Variants in SCHIP1 observed in about 807,000 individuals in gnomAD.
SCHIP1 encodes schwannomin interacting protein 1.
SCHIP1 carries 8 observed loss-of-function variants against 29.7 expected under a neutral mutation model. The observed-to-expected ratio is 0.27, with a 90% CI of 0.16 to 0.49. SCHIP1 has a LOEUF of 0.49. Among genes scored for constraint, SCHIP1 ranks in the 20% least tolerant of loss-of-function variants. The pLI, the probability that SCHIP1 is intolerant of heterozygous loss-of-function variation, is 0.99. For missense variants in SCHIP1, 193 were observed against 294.6 expected, an observed-to-expected ratio of 0.66 and a Z score of 2.52; for synonymous variants, 76 against 94.9, an observed-to-expected ratio of 0.80 and a Z score of 1.16.
At chr3:159,582,722 G>A in the SCHIP1 span, among the ~76,000 whole-genome samples, 5 of 150,590 alleles carry the variant, frequency 3.3e-5, no homozygotes, top group Admixed American at 3.3e-4. Flanking sequence ...GCAGTGGTCT[G>A]GAACCAAACT....
chr3:159,736,049 A>C, the SCHIP1 span, among the ~76,000 whole-genome samples: 2 of 151,978 alleles, frequency 1.3e-5, no homozygotes, highest in African/African-American at 2.4e-5. Flanking sequence ...CTGAATGCCC[A>C]ATAGTCTAAC....
chr3:159,675,471 C>A, the SCHIP1 span, among the ~76,000 whole-genome samples: 2,947 of 152,308 alleles, frequency 0.019, 110 homozygotes, highest in African/African-American at 0.068. Flanking sequence ...GTTTTTCACA[C>A]TCTAAAAATA....
At chr3:159,830,966 G>A in the SCHIP1 span, among the ~76,000 whole-genome samples, 56 of 152,196 alleles carry the variant, frequency 3.7e-4, no homozygotes, top group African/African-American at 1.3e-3. Context: ...TTCCTGTTGA[G>A]GATATGGTTA....
chr3:159,764,711 G>T, the SCHIP1 span: 19 of 1,575,286 alleles, frequency 1.2e-5, no homozygotes, highest in Non-Finnish European at 1.6e-5. This position sits in a 1 kb window ranked among gnomAD's most constrained non-coding sequence, Gnocchi z 6.1. Context: ...GACCAGCGAG[G>T]GTACCGGGAT....
At chr3:159,328,576 T>C in the SCHIP1 span, among the ~76,000 whole-genome samples, 1 of 152,120 alleles carries the variant, frequency 6.6e-6, no homozygotes, top group African/African-American at 2.4e-5. Flanking sequence ...GAAAAAGGCA[T>C]TATAAGCAAA....
At chr3:159,805,318 T>C in the SCHIP1 span, among the ~76,000 whole-genome samples, 17 of 152,284 alleles carry the variant, frequency 1.1e-4, no homozygotes, top group East Asian at 3.3e-3. Flanking sequence ...CTCACAACTC[T>C]TGGAAGCTGC....
At chr3:159,541,654 T>G in the SCHIP1 span, among the ~76,000 whole-genome samples, 4 of 152,060 alleles carry the variant, frequency 2.6e-5, no homozygotes, top group African/African-American at 9.7e-5. Flanking sequence ...TGTAAAATTT[T>G]TGTTGTTCCT....
the SCHIP1 span, among the ~76,000 whole-genome samples, chr3:159,372,917 G>T: frequency 6.6e-6 from 1 of 151,968 alleles, no homozygotes; most frequent in African/African-American, 2.4e-5. Flanking sequence ...CCAAAATGCT[G>T]AGAATATTTA....
chr3:159,745,361 A>G, the SCHIP1 span, among the ~76,000 whole-genome samples: 3 of 152,190 alleles, frequency 2.0e-5, no homozygotes, highest in East Asian at 3.8e-4. Flanking sequence ...GAGTCAGGTA[A>G]ATGCCCCTGC....
At chr3:159,775,807 A>C in the SCHIP1 span, among the ~76,000 whole-genome samples, 1 of 152,226 alleles carries the variant, frequency 6.6e-6, no homozygotes, top group Admixed American at 6.5e-5. Context: ...TTGGTTTGCC[A>C]TATATGGAGA....
At chr3:159,696,445 T>C in the SCHIP1 span, among the ~76,000 whole-genome samples, 1 of 152,246 alleles carries the variant, frequency 6.6e-6, no homozygotes, top group East Asian at 1.9e-4. Flanking sequence ...GAGCAGTACA[T>C]GTATTCCTTG....
chr3:159,542,266 A>G, the SCHIP1 span, among the ~76,000 whole-genome samples: 1 of 152,196 alleles, frequency 6.6e-6, no homozygotes, highest in East Asian at 1.9e-4. Context: ...TATAAGATGT[A>G]CAATTGGATA....
chr3:159,839,980 C>G (rs1744063960), exon 1 of SCHIP1: 2 of 1,430,496 alleles, frequency 1.4e-6, no homozygotes, highest in Admixed American at 2.9e-5. Flanking sequence ...GGCTGGAGAG[C>G]AGCTCAGCTC....
chr3:159,297,126 TTGTGTGTGTGTGTG>T, the SCHIP1 span, among the ~76,000 whole-genome samples: 1,539 of 143,372 alleles, frequency 0.011, 15 homozygotes, highest in African/African-American at 0.017. Context: ...TAATATTCCA[TTGTGTGTGTGTGTG>T]TGTGTGTGTG....
the SCHIP1 span, among the ~76,000 whole-genome samples, chr3:159,593,475 T>C: frequency 6.6e-6 from 1 of 152,072 alleles, no homozygotes; most frequent in African/African-American, 2.4e-5. Context: ...AGAAGCTGCC[T>C]CCATCATCAA....
At chr3:159,804,043 A>G in the SCHIP1 span, among the ~76,000 whole-genome samples, 2 of 151,994 alleles carry the variant, frequency 1.3e-5, no homozygotes, top group African/African-American at 4.8e-5. Context: ...TAGTACAATG[A>G]CCCTTTTGAT....
At chr3:159,871,271 C>T (rs1299280856) in intron 2 of SCHIP1, among the ~76,000 whole-genome samples, 1 of 148,758 alleles carries the variant, frequency 6.7e-6, no homozygotes, top group African/African-American at 2.5e-5. Flanking sequence ...AGAGCCCTTC[C>T]CTGACCACCC....
chr3:159,671,521 A>G, the SCHIP1 span, among the ~76,000 whole-genome samples: 18 of 152,286 alleles, frequency 1.2e-4, no homozygotes, highest in East Asian at 3.9e-4. Flanking sequence ...AGTGCACTCA[A>G]TAAAGATTTT....
the SCHIP1 span, among the ~76,000 whole-genome samples, chr3:159,587,523 G>T: frequency 4.6e-5 from 7 of 152,260 alleles, no homozygotes; most frequent in Non-Finnish European, 8.8e-5. Context: ...ACAACGTGCA[G>T]GTTTGTTACA....
Sources: allele counts gnomAD v4.1 joint callset (sites outside exome capture counted in the v4.1 genomes callset), GRCh38; gene constraint gnomAD v4.1.1; non-coding constraint Gnocchi (gnomAD v3.1); transcripts MANE v1.5; gene names NCBI Gene and HGNC (gene_info 2026-07-23, HGNC 2026-07-21).